CDH12: variants seen among roughly 807,000 people sequenced by gnomAD.
The protein encoded by CDH12 is cadherin-12.
In CDH12, 41 loss-of-function variants were observed where a neutral mutation model predicts 74.1. The ratio of observed to expected loss-of-function variants is 0.55; its 90% CI spans 0.43 to 0.72. The LOEUF (loss-of-function observed/expected upper bound fraction) is 0.72, where lower values mean the gene tolerates loss of function less well. CDH12 is among the 30% of genes least tolerant of loss of function. The pLI is 0.00. For missense variants in CDH12, 945 were observed against 977.2 expected (o/e 0.97, Z 0.44); for synonymous variants, 399 against 355.0 (o/e 1.12, Z -1.39).
At chr5:22,793,835 G>A (rs904551178) in intron 1 of CDH12, among the ~76,000 whole-genome samples, 3 of 151,426 alleles carry the variant, frequency 2.0e-5, no homozygotes, top group Admixed American at 1.3e-4. Context: ...TCAATTCACA[G>A]GCAGTACATC....
chr5:22,014,905 A>G (rs1477541121), intron 5 of CDH12, among the ~76,000 whole-genome samples: 1 of 152,146 alleles, frequency 6.6e-6, no homozygotes, highest in Non-Finnish European at 1.5e-5. Flanking sequence ...TTTAAAATAT[A>G]TCATATTTGT....
intron 4 of CDH12, among the ~76,000 whole-genome samples, chr5:22,088,092 A>G (rs2150234708): frequency 6.6e-6 from 1 of 152,324 alleles, no homozygotes; most frequent in East Asian, 1.9e-4. Context: ...AGTGAAATTT[A>G]AAAGTAGGAT....
chr5:21,988,175 A>G (rs968893462), intron 5 of CDH12, among the ~76,000 whole-genome samples: 1 of 152,134 alleles, frequency 6.6e-6, no homozygotes, highest in African/African-American at 2.4e-5. Context: ...TGGTTACAGG[A>G]TATGACAATA....
At chr5:22,263,200 T>A in intron 3 of CDH12, among the ~76,000 whole-genome samples, 1 of 152,240 alleles carries the variant, frequency 6.6e-6, no homozygotes, top group African/African-American at 2.4e-5. Flanking sequence ...GATTATTGGA[T>A]CCAGAAATTA....
At chr5:22,643,010 AT>A (rs565379487) in intron 1 of CDH12, among the ~76,000 whole-genome samples, 98 of 152,294 alleles carry the variant, frequency 6.4e-4, no homozygotes, top group African/African-American at 2.2e-3. Flanking sequence ...AATGAAAAAA[AT>A]AAATCACTTT....
chr5:22,020,554 CA>C (rs113531853), intron 5 of CDH12, among the ~76,000 whole-genome samples: 39,423 of 114,132 alleles, frequency 0.35, 5,592 homozygotes, highest in African/African-American at 0.46. Context: ...GACTTCGTTT[CA>C]AAAAAAAAAA....
At chr5:22,296,097 C>T (rs982169984) in intron 3 of CDH12, among the ~76,000 whole-genome samples, 1 of 151,318 alleles carries the variant, frequency 6.6e-6, no homozygotes, top group Non-Finnish European at 1.5e-5. Flanking sequence ...AAAAATAATG[C>T]TTAAAGGGAA....
intron 1 of CDH12, among the ~76,000 whole-genome samples, chr5:22,817,240 C>A (rs1034056071): frequency 6.6e-6 from 1 of 151,966 alleles, no homozygotes; most frequent in Non-Finnish European, 1.5e-5. Context: ...TTAAGATATA[C>A]AATGTAGAAA....
chr5:22,479,304 T>C (rs1311462997), intron 2 of CDH12, among the ~76,000 whole-genome samples: 1 of 152,250 alleles, frequency 6.6e-6, no homozygotes, highest in Non-Finnish European at 1.5e-5. Context: ...CAAGTATTTG[T>C]TCAACATCTT....
chr5:21,872,664 G>A (rs1451725050), intron 6 of CDH12, among the ~76,000 whole-genome samples: 1 of 152,104 alleles, frequency 6.6e-6, no homozygotes, highest in Non-Finnish European at 1.5e-5. Context: ...TGATGCAAAT[G>A]TATTTGGCCA....
At chr5:21,812,483 A>C (rs1747801676) in intron 9 of CDH12, among the ~76,000 whole-genome samples, 1 of 152,096 alleles carries the variant, frequency 6.6e-6, no homozygotes, top group Admixed American at 6.6e-5. Context: ...CCTAATGATA[A>C]TTGCAAGATG....
Position 21,874,383 on chromosome 5 carries a change from T to G in CDH12, c.527-19593A>C, listed in dbSNP as rs111810038. On this transcript the variant is annotated intron_variant, in intron 6 of 14. Transcript: ENST00000382254. Reference sequence around the variant, plus strand: ...AAGCCTAGCTGGGAAGGTGACCGCATCCACCTTTAAACACGGGGCTTGCAA... The same window carrying G: ...AAGCCTAGCTGGGAAGGTGACCGCAGCCACCTTTAAACACGGGGCTTGCAA... Among the ~76,000 whole-genome samples the G allele has an allele frequency of 5.3e-3, 810 of 152,246 alleles. 13 individuals carry two copies. Among genetic ancestry groups the G allele is most frequent in the African/African-American group, 0.019 (774 of 41,552 alleles).
intron 10 of CDH12, among the ~76,000 whole-genome samples, chr5:21,786,339 A>T (rs548419397): frequency 1.3e-5 from 2 of 152,178 alleles, no homozygotes; most frequent in African/African-American, 4.8e-5. Flanking sequence ...TTTTTAGTAG[A>T]GATGGGGTTT....
intron 3 of CDH12, among the ~76,000 whole-genome samples, chr5:22,339,960 C>T (rs1161766286): frequency 3.3e-5 from 5 of 152,048 alleles, no homozygotes; most frequent in Admixed American, 3.3e-4. Context: ...TATATGTATG[C>T]ATATGTGTAT....
intron 1 of CDH12, among the ~76,000 whole-genome samples, chr5:22,675,690 G>C (rs930663738): frequency 6.6e-6 from 1 of 151,858 alleles, no homozygotes; most frequent in Non-Finnish European, 1.5e-5. Context: ...CACCATGTGA[G>C]ACATGCCTTT....
At position 22,441,003 on chromosome 5, in the gene CDH12, T is replaced by C. The variant is rs139192700; in HGVS notation, c.-427-35652A>G. Among the ~76,000 whole-genome samples the C allele has an allele frequency of 1.2e-4, 18 of 152,180 alleles. No individual in the cohort carries two copies. The East Asian group carries it at 3.5e-3, about 29-fold the overall frequency. On this transcript the variant is annotated intron_variant, in intron 2 of 14. Coordinates refer to ENST00000382254, the MANE Select transcript of CDH12 (RefSeq NM_004061.5). ...TATTTGCAAGTCTTGGCAGGCAGAG[T>C]ACAGGTTGGATTTTGGCTGGTGCTT... is the stretch of plus-strand genomic sequence containing the variant.
chr5:22,279,195 T>C (rs2150405427), intron 3 of CDH12, among the ~76,000 whole-genome samples: 1 of 152,280 alleles, frequency 6.6e-6, no homozygotes, highest in South Asian at 2.1e-4. Flanking sequence ...GTAGTATCAA[T>C]TGAATAAGAA....
intron 12 of CDH12, among the ~76,000 whole-genome samples, chr5:21,760,891 T>C (rs1039190806): frequency 6.6e-6 from 1 of 152,162 alleles, no homozygotes; most frequent in African/African-American, 2.4e-5. Flanking sequence ...TGGGCTAATT[T>C]CAAATTGATA....
At chr5:22,032,815 T>TAC (rs757479604) in intron 5 of CDH12, among the ~76,000 whole-genome samples, 1,876 of 146,752 alleles carry the variant, frequency 0.013, 19 homozygotes, top group African/African-American at 0.039. Flanking sequence ...TGTGTATATA[T>TAC]ACACACACAC....
Sources: gnomAD v4.1 joint callset for allele counts (sites outside exome capture counted in the v4.1 genomes callset) on GRCh38, gnomAD v4.1.1 for gene constraint, MANE v1.5 for transcripts, NCBI Gene and HGNC (gene_info 2026-07-23, HGNC 2026-07-21) for gene names.